Variants in REC114 observed in about 807,000 individuals in gnomAD.
REC114 encodes the protein meiotic recombination protein REC114.
Under a neutral mutation model 31.3 loss-of-function variants are expected in REC114, and 27 were observed. The observed-to-expected ratio is 0.86, with a 90% CI of 0.64 to 1.19. The LOEUF is 1.19. Ranked by LOEUF, REC114 falls within the 50% of genes most tolerant of loss-of-function variation. The pLI, the probability that REC114 is intolerant of heterozygous loss-of-function variation, is 0.00. For synonymous variants in REC114, 134 were observed against 127.7 expected (o/e 1.05, Z -0.33); for missense variants, 344 against 326.9 (o/e 1.05, Z -0.40).
intron 1 of REC114, among the ~76,000 whole-genome samples, chr15:73,452,640 T>C (rs562950593): frequency 6.6e-6 from 1 of 152,214 alleles, no homozygotes; most frequent in African/African-American, 2.4e-5. Context: ...CTACTTTAAA[T>C]TTCATGTGGA....
chr15:73,520,627 C>T lies in REC114; in HGVS notation c.250-19858C>T, dbSNP rs139649573. Reference sequence around the variant, plus strand: ...ATGTACCTAGCACCCCATCACGAACCTCCCTGCCCCATTTTGCCCTGGATA... The same window carrying T: ...ATGTACCTAGCACCCCATCACGAACTTCCCTGCCCCATTTTGCCCTGGATA... On this transcript the variant is annotated intron_variant, in intron 2 of 5. Transcript: ENST00000331090. Among the ~76,000 whole-genome samples the T allele has an allele frequency of 2.8e-4, 42 of 152,280 alleles. No individual in the cohort carries two copies. In the East Asian group the frequency reaches 6.6e-3, roughly 24 times the overall value.
At chr15:73,505,653 T>C (rs1413295733) in intron 2 of REC114, among the ~76,000 whole-genome samples, 1 of 152,162 alleles carries the variant, frequency 6.6e-6, no homozygotes, top group African/African-American at 2.4e-5. Flanking sequence ...TGCCTCAGCC[T>C]CCTGAGTAGC....
chr15:73,477,449 C>T (rs1201228440), intron 2 of REC114, among the ~76,000 whole-genome samples: 1 of 152,078 alleles, frequency 6.6e-6, no homozygotes, highest in Non-Finnish European at 1.5e-5. Context: ...CAGGATCTTG[C>T]CCTGTTACCT....
intron 1 of REC114, among the ~76,000 whole-genome samples, chr15:73,460,802 C>G (rs1015080510): frequency 2.6e-5 from 4 of 151,956 alleles, no homozygotes; most frequent in African/African-American, 9.7e-5. Flanking sequence ...CTGGTAATTT[C>G]AAAGACATAA....
At chr15:73,515,656 C>T (rs968452382) in intron 2 of REC114, among the ~76,000 whole-genome samples, 4 of 152,126 alleles carry the variant, frequency 2.6e-5, no homozygotes, top group African/African-American at 4.8e-5. Flanking sequence ...TCTCTCCCTT[C>T]TCTTGGTGCA....
rs988379010 is a variant in REC114 at position 73,461,142 on chromosome 15, G to GT, written c.160-12680dup. On this transcript the variant is annotated intron_variant, in intron 1 of 5. Transcript: ENST00000331090. ...GGAAGGTCTGCGTGTTATTGCTATT[G>GT]TTTTTTTTTTATTGTTACAGTTAAA... 1.6e-3 allele frequency among the ~76,000 whole-genome samples: 230 copies of GT among 146,584 alleles called. 1 individual carries two copies. The highest frequency in any genetic ancestry group is 2.2e-3 in the South Asian group (10 of 4,600).
intron 2 of REC114, among the ~76,000 whole-genome samples, chr15:73,528,632 G>T (rs1358913678): frequency 6.6e-6 from 1 of 152,162 alleles, no homozygotes; most frequent in Non-Finnish European, 1.5e-5. Context: ...ATTATTAAAT[G>T]GTTGAAAAAA....
chr15:73,498,362 G>T (rs1405152030), intron 2 of REC114, among the ~76,000 whole-genome samples: 2 of 151,984 alleles, frequency 1.3e-5, no homozygotes, highest in African/African-American at 4.8e-5. Context: ...ATTTAAGGTA[G>T]GGGTGTGTGT....
intron 1 of REC114, among the ~76,000 whole-genome samples, chr15:73,443,922 G>A (rs1194041476): frequency 6.6e-6 from 1 of 152,146 alleles, no homozygotes; most frequent in Admixed American, 6.5e-5. Flanking sequence ...TTGGGATTCG[G>A]TTCCAGACCA....
intron 2 of REC114, among the ~76,000 whole-genome samples, chr15:73,485,758 T>C (rs1380725326): frequency 5.3e-5 from 8 of 152,174 alleles, no homozygotes; most frequent in African/African-American, 1.9e-4. Flanking sequence ...TAAACCTCTT[T>C]TCTTTATAAA....
At chr15:73,551,337 G>C (rs1317910236) in intron 4 of REC114, among the ~76,000 whole-genome samples, 187 bp downstream of exon 4, 1 of 152,150 alleles carries the variant, frequency 6.6e-6, no homozygotes, top group Non-Finnish European at 1.5e-5. Flanking sequence ...AGGCAGGGAG[G>C]AGTTCCAGCT....
chr15:73,488,158 C>T (rs1893398443), intron 2 of REC114, among the ~76,000 whole-genome samples: 1 of 152,186 alleles, frequency 6.6e-6, no homozygotes, highest in South Asian at 2.1e-4. Context: ...CTGGGGCCCT[C>T]CCTTAAAACT....
At chr15:73,504,973 A>G (rs1036061962) in intron 2 of REC114, among the ~76,000 whole-genome samples, 2 of 152,146 alleles carry the variant, frequency 1.3e-5, no homozygotes, top group Admixed American at 6.5e-5. Context: ...ATTACATTCT[A>G]TTCCTTGTTC....
rs913673682 is a variant in REC114, at chr15:73,550,893, T to C, written c.334-45T>C. 3.2e-6 allele frequency: 5 copies of C among 1,578,952 alleles called. No homozygotes were observed. The East Asian group carries it at 6.7e-5, about 21-fold the overall frequency. On this transcript the variant is annotated intron_variant, in intron 3 of 5. Transcript: ENST00000331090. ...AGTGGAAGACCCCAAAGTAAATAGT[T>C]ATATGATGAGGGTCTCTCATGATAA...
intron 2 of REC114, among the ~76,000 whole-genome samples, chr15:73,488,376 C>T (rs1259427918): frequency 6.6e-6 from 1 of 152,112 alleles, no homozygotes; most frequent in Non-Finnish European, 1.5e-5. Flanking sequence ...TTTACATGGC[C>T]AGGCTGAGAA....
At position 73,559,921 on chromosome 15, in the gene REC114, CTATATACATA is replaced by C. The variant is rs760370593; in HGVS notation, c.*10_*19del. 46 of 1,598,000 alleles carry C rather than the reference CTATATACATA, an allele frequency of 2.9e-5. No individual in the cohort carries two copies. The Middle Eastern group carries it at 5.5e-4, about 19-fold the overall frequency. On this transcript the variant is annotated 3_prime_UTR_variant, in exon 6 of 6. Coordinates refer to ENST00000331090, the MANE Select transcript of REC114 (RefSeq NM_001042367.2). Reference sequence around the variant, plus strand: ...CTGGCGGGTTTGAGAAATTAATGCTCTATATACATATATAACTAAGGAACTTCAAAGTATT... The same window carrying C: ...CTGGCGGGTTTGAGAAATTAATGCTCTATAACTAAGGAACTTCAAAGTATT...
intron 1 of REC114, among the ~76,000 whole-genome samples, chr15:73,467,790 A>G (rs1477029150): frequency 6.6e-6 from 1 of 152,214 alleles, no homozygotes; most frequent in East Asian, 1.9e-4. Context: ...AAAACAACGC[A>G]AACATTAGCT....
chr15:73,447,184 A>G (rs985055105), intron 1 of REC114, among the ~76,000 whole-genome samples: 5 of 152,112 alleles, frequency 3.3e-5, no homozygotes, highest in Admixed American at 2.0e-4. Flanking sequence ...TCAGTTTTGG[A>G]TGTATTGAAT....
chr15:73,466,051 A>T (rs1031141873), intron 1 of REC114, among the ~76,000 whole-genome samples: 1 of 151,118 alleles, frequency 6.6e-6, no homozygotes, highest in Admixed American at 6.6e-5. Flanking sequence ...ACGGGGTTTC[A>T]CCAGTTGGTC....
Sources: gnomAD v4.1 joint callset for allele counts (sites outside exome capture counted in the v4.1 genomes callset) on GRCh38, gnomAD v4.1.1 for gene constraint, MANE v1.5 for transcripts, NCBI Gene and HGNC (gene_info 2026-07-23, HGNC 2026-07-21) for gene names.